The following NPIPB2 variants were observed in gnomAD, a reference collection of about 807,000 sequenced individuals.
NPIPB2 encodes the protein nuclear pore complex-interacting protein family member B2.
Under a neutral mutation model 30.8 loss-of-function variants are expected in NPIPB2, and 27 were observed. The observed-to-expected ratio is 0.88, with a 90% CI of 0.65 to 1.21. The LOEUF (loss-of-function observed/expected upper bound fraction) is 1.21. Among genes scored for constraint, NPIPB2 ranks in the 50% most tolerant of loss-of-function variants. The pLI, the probability that NPIPB2 is intolerant of heterozygous loss-of-function variation, is 0.00. For missense variants in NPIPB2, 440 were observed against 446.2 expected (o/e 0.99, Z 0.13); for synonymous variants, 147 against 162.0 (o/e 0.91, Z 0.70).
At chr16:11,961,142 T>G (rs2055149911) in intron 1 of NPIPB2, among the ~76,000 whole-genome samples, 1 of 152,146 alleles carries the variant, frequency 6.6e-6, no homozygotes, top group South Asian at 2.1e-4. Context: ...GGATTACAGG[T>G]GTGAGCCACT....
At chr16:11,956,265 C>A (rs994809656) in intron 1 of NPIPB2, 1 of 152,208 alleles carries the variant, frequency 6.6e-6, no homozygotes, top group Non-Finnish European at 1.5e-5. Flanking sequence ...AAGCCTTGAA[C>A]CTGGCTCTGT....
chr16:11,943,409 C>T (rs2054965138), upstream of NPIPB2, among the ~76,000 whole-genome samples: 1 of 151,178 alleles, frequency 6.6e-6, no homozygotes, highest in Admixed American at 6.6e-5. Flanking sequence ...AGCCATGTTC[C>T]AGCCCTAGAT....
At chr16:11,974,341 G>A (rs1472241335) in intron 1 of NPIPB2, among the ~76,000 whole-genome samples, 3 of 151,894 alleles carry the variant, frequency 2.0e-5, no homozygotes, top group African/African-American at 7.3e-5. Flanking sequence ...GGTGAAAGCC[G>A]ATCTCTACTA....
chr16:11,927,725 G>A (rs2054748756), exon 8 of NPIPB2: 1 of 1,599,572 alleles, frequency 6.3e-7, no homozygotes, highest in African/African-American at 1.3e-5. Flanking sequence ...ACACTCGGGA[G>A]GTGTCTTGAG....
At chr16:11,946,978 T>G (rs1366462277), upstream of NPIPB2, among the ~76,000 whole-genome samples, 2 of 150,170 alleles carry the variant, frequency 1.3e-5, no homozygotes, top group African/African-American at 4.9e-5. Context: ...TGCCTCAATC[T>G]CCCAAAGTGC....
At chr16:11,970,533 A>C (rs1567480910) in intron 1 of NPIPB2, among the ~76,000 whole-genome samples, 1 of 149,062 alleles carries the variant, frequency 6.7e-6, no homozygotes, top group Non-Finnish European at 1.5e-5. Flanking sequence ...TAAAATCAGC[A>C]TTTTTTTTTT....
At chr16:11,947,154 A>G (rs1248275953) in intron 1 of NPIPB2, among the ~76,000 whole-genome samples, 2 of 147,194 alleles carry the variant, frequency 1.4e-5, no homozygotes, top group Non-Finnish European at 3.0e-5. Context: ...GAGTCTCACT[A>G]TGATGCTCAG....
chr16:11,927,325 T>C, downstream of NPIPB2: 1 of 803,840 alleles, frequency 1.2e-6, no homozygotes, highest in Non-Finnish European at 2.1e-6. Context: ...GGTTTTGTTT[T>C]GTTTTTTGAT....
intron 1 of NPIPB2, among the ~76,000 whole-genome samples, chr16:11,952,175 C>CAAAAAAAAAAAAAAA (rs112970450): frequency 1.6e-5 from 2 of 128,842 alleles, no homozygotes; most frequent in East Asian, 2.3e-4. Flanking sequence ...AAAAACAAAA[C>CAAAAAAAAAAAAAAA]AAAAAAAAAA....
chr16:11,962,860 A>T (rs949839308), intron 1 of NPIPB2, among the ~76,000 whole-genome samples: 4 of 151,998 alleles, frequency 2.6e-5, no homozygotes, highest in Middle Eastern at 3.4e-3. Context: ...CGAGGTCAGG[A>T]GACTGAGACC....
chr16:11,951,449 C>A (rs1319446906), intron 1 of NPIPB2, among the ~76,000 whole-genome samples: 6 of 71,984 alleles, frequency 8.3e-5, no homozygotes, highest in African/African-American at 3.4e-4. Flanking sequence ...GGGCGACAGA[C>A]AAGACTGTCT....
chr16:11,945,231 T>C (rs908616575), upstream of NPIPB2, among the ~76,000 whole-genome samples: 1 of 151,682 alleles, frequency 6.6e-6, no homozygotes, highest in Admixed American at 6.6e-5. Flanking sequence ...TAAAAAGATA[T>C]AATAGCCAAT....
chr16:11,966,247 A>G, intron 1 of NPIPB2: 1 of 1,614,040 alleles, frequency 6.2e-7, no homozygotes, highest in Non-Finnish European at 8.5e-7. Flanking sequence ...CCTGTTTGGG[A>G]CTGAGCTTAA....
At chr16:11,951,404 C>A (rs1388494518) in intron 1 of NPIPB2, among the ~76,000 whole-genome samples, 41 of 129,242 alleles carry the variant, frequency 3.2e-4, no homozygotes, top group African/African-American at 1.2e-3. Context: ...GCGGAGCTTG[C>A]AGTGAGCCGA....
chr16:11,945,692 A>T (rs1200457134), upstream of NPIPB2, among the ~76,000 whole-genome samples: 1 of 151,858 alleles, frequency 6.6e-6, no homozygotes, highest in East Asian at 1.9e-4. Context: ...AAAAAACAAA[A>T]ACAAAAACAA....
chr16:11,962,624 A>AAAC (rs2055162433), intron 1 of NPIPB2, among the ~76,000 whole-genome samples: 1 of 149,254 alleles, frequency 6.7e-6, no homozygotes, highest in African/African-American at 2.5e-5. Flanking sequence ...AAAAAAAAAA[A>AAAC]AAAAACCAAA....
intron 1 of NPIPB2, among the ~76,000 whole-genome samples, chr16:11,964,415 G>C (rs903114405): frequency 7.9e-5 from 12 of 151,326 alleles, no homozygotes; most frequent in Admixed American, 4.6e-4. Context: ...TCTTCCTGTA[G>C]AATTTTTTTT....
chr16:11,954,591 G>C (rs1257519264), intron 1 of NPIPB2, among the ~76,000 whole-genome samples: 1 of 152,014 alleles, frequency 6.6e-6, no homozygotes, highest in Non-Finnish European at 1.5e-5. Flanking sequence ...TACATATTGA[G>C]TATTGGATAT....
At position 11,969,971 on chromosome 16, in the gene NPIPB2, C is replaced by T. The variant is rs534268314; in HGVS notation, c.-584+6597G>A. On this transcript the variant is annotated intron_variant, in intron 1 of 5. Coordinates refer to the NPIPB2 transcript ENST00000538896. ...CCTCAAGAGGTAGGTTCAAGAGTCTCCTACCTCAGCCTCCCAAGTAGCTGG... is the reference window on the plus strand; with the variant it reads ...CCTCAAGAGGTAGGTTCAAGAGTCTTCTACCTCAGCCTCCCAAGTAGCTGG... Among the ~76,000 whole-genome samples the T allele has an allele frequency of 1.9e-4, 29 of 151,540 alleles. 1 individual carries two copies. The South Asian group carries it at 3.6e-3, about 19-fold the overall frequency.
Sources: gnomAD v4.1 joint callset for allele counts (sites outside exome capture counted in the v4.1 genomes callset) on GRCh38, gnomAD v4.1.1 for gene constraint, MANE v1.5 for transcripts, NCBI Gene and HGNC (gene_info 2026-07-23, HGNC 2026-07-21) for gene names.